IPO11: variants seen among roughly 807,000 people sequenced by gnomAD.
IPO11 encodes importin 11, also known as importin-11.
IPO11 carries 66 observed loss-of-function variants against 143.2 expected under a neutral mutation model. That is an observed-to-expected ratio of 0.46 (90% CI 0.38 to 0.57). The LOEUF is 0.57. Ranked by LOEUF, IPO11 falls within the 20% of genes least tolerant of loss-of-function variation. IPO11 has a pLI of 0.00. For synonymous variants in IPO11, 385 were observed against 377.8 expected, an observed-to-expected ratio of 1.02 and a Z score of -0.22; for missense variants, 1,026 against 1,141.0, an observed-to-expected ratio of 0.90 and a Z score of 1.45.
chr5:62,535,408 C>T (rs756682546), intron 22 of IPO11, among the ~76,000 whole-genome samples: 1 of 152,000 alleles, frequency 6.6e-6, no homozygotes, highest in Non-Finnish European at 1.5e-5. Context: ...AAAGTATGCA[C>T]GAGTCCAGGC....
chr5:62,592,408 A>G (rs1259071087), intron 28 of IPO11, among the ~76,000 whole-genome samples: 2 of 152,200 alleles, frequency 1.3e-5, no homozygotes, highest in Non-Finnish European at 2.9e-5. Flanking sequence ...CTTATTAAAC[A>G]TATTAACATA....
intron 1 of IPO11, among the ~76,000 whole-genome samples, chr5:62,416,978 T>A (rs1743315659): frequency 6.6e-6 from 1 of 152,072 alleles, no homozygotes; most frequent in East Asian, 1.9e-4. Flanking sequence ...AGCGATCCAC[T>A]GGCCTTGGCC....
At chr5:62,475,620 T>C (rs1745929920) in intron 8 of IPO11, among the ~76,000 whole-genome samples, 1 of 152,266 alleles carries the variant, frequency 6.6e-6, no homozygotes, top group Non-Finnish European at 1.5e-5. Flanking sequence ...ATATTGTCTA[T>C]AGACTATATG....
chr5:62,579,617 A>G, intron 27 of IPO11: 3 of 1,550,934 alleles, frequency 1.9e-6, no homozygotes, highest in Non-Finnish European at 2.6e-6. Flanking sequence ...AATTTTCCTG[A>G]AAGTACAGTT....
chr5:62,439,867 GTA>G (rs1015465521), intron 2 of IPO11, among the ~76,000 whole-genome samples: 9 of 152,126 alleles, frequency 5.9e-5, no homozygotes, highest in Non-Finnish European at 8.8e-5. Context: ...GGAGACTCCT[GTA>G]TTTGTATACA....
In IPO11 at chr5:62,484,303, C is replaced by T. The variant is rs372066407; in HGVS notation, c.1174+141C>T. The T allele has an allele frequency of 1.3e-4, 78 of 620,524 alleles. No individual in the cohort carries two copies. The East Asian group carries it at 2.0e-3, about 16-fold the overall frequency. The allele number at this position is 620,524 out of a possible 1,614,324, so 38.4% of individuals were successfully genotyped here. A position where few individuals can be genotyped will look rare whatever the true frequency, so the allele number is the denominator to read the frequency against. On this transcript the variant is annotated intron_variant, in intron 11 of 29. Transcript: ENST00000325324. Reference sequence around the variant, plus strand: ...GTGTTTTAAAATTAACTTACTCTTTCGTTGTTATCCATTAGAACAAATTGA... The same window carrying T: ...GTGTTTTAAAATTAACTTACTCTTTTGTTGTTATCCATTAGAACAAATTGA...
chr5:62,561,075 T>G (rs1743752804), intron 26 of IPO11, 61 bp from the exon 27 acceptor site: 1 of 1,451,506 alleles, frequency 6.9e-7, no homozygotes. Context: ...CCTTTAAAAG[T>G]ATTTACCCAC....
At chr5:62,435,102 ATATATATGTATATATG>A (rs1188887651) in intron 1 of IPO11, among the ~76,000 whole-genome samples, 3 of 67,174 alleles carry the variant, frequency 4.5e-5, no homozygotes, top group African/African-American at 1.1e-4. Context: ...GTATATATGT[ATATATATGTATATATG>A]TATATATGTA....
intron 1 of IPO11, among the ~76,000 whole-genome samples, chr5:62,417,472 C>T (rs1743339107): frequency 6.6e-6 from 1 of 151,880 alleles, no homozygotes; most frequent in East Asian, 1.9e-4. Flanking sequence ...ACTACTTGTT[C>T]GTTCTTGAAA....
chr5:62,485,248 G>C (rs753526909), intron 11 of IPO11, among the ~76,000 whole-genome samples, 171 bp from the exon 12 acceptor site: 21 of 152,172 alleles, frequency 1.4e-4, no homozygotes, highest in Non-Finnish European at 2.5e-4. Flanking sequence ...ATACACAACT[G>C]TGATCTGTAG....
chr5:62,538,421 C>T (rs540653107), intron 24 of IPO11, among the ~76,000 whole-genome samples: 1 of 152,288 alleles, frequency 6.6e-6, no homozygotes, highest in South Asian at 2.1e-4. Context: ...GTTATCTCTA[C>T]CTGGTCTCCT....
chr5:62,478,884 A>T (rs192328491), intron 9 of IPO11, among the ~76,000 whole-genome samples: 130 of 152,270 alleles, frequency 8.5e-4, no homozygotes, highest in African/African-American at 2.9e-3. Context: ...ATTGTTCTGT[A>T]TTGTATGACG....
intron 29 of IPO11, among the ~76,000 whole-genome samples, chr5:62,626,541 A>G (rs1205109442): frequency 1.3e-5 from 2 of 152,194 alleles, no homozygotes; most frequent in East Asian, 1.9e-4. Context: ...TACCACAGGG[A>G]TAGAAGAAGC....
intron 24 of IPO11, 96 bp from the exon 25 acceptor site, chr5:62,550,271 C>G (rs1743345287): frequency 1.2e-6 from 1 of 868,676 alleles, no homozygotes; most frequent in Non-Finnish European, 1.9e-6. Context: ...TAAATTTGGT[C>G]TGTGATACTT....
At chr5:62,599,147 A>G (rs1433652354) in intron 28 of IPO11, among the ~76,000 whole-genome samples, 1 of 152,212 alleles carries the variant, frequency 6.6e-6, no homozygotes, top group Non-Finnish European at 1.5e-5. Flanking sequence ...GTGGGGCCCA[A>G]CTGTGCTTTA....
Position 62,536,795 on chromosome 5 carries a change from CTTT to C in IPO11, c.2169+16_2169+18del. ...GAATTTTTACAGGTATGTTGGAGTACTTTTGCATTATATGAAATTATATAATTA... is the reference window on the plus strand; with the variant it reads ...GAATTTTTACAGGTATGTTGGAGTACTGCATTATATGAAATTATATAATTA... On this transcript the variant is annotated intron_variant, in intron 23 of 29. Coordinates refer to ENST00000325324, the MANE Select transcript of IPO11 (RefSeq NM_016338.5). 6.6e-7 allele frequency: 1 copy of C among 1,508,726 alleles called. No homozygotes were observed. Among genetic ancestry groups the C allele is most frequent in the East Asian group, 2.5e-5 (1 of 39,388 alleles). The allele number at this position is 1,508,726 out of a possible 1,614,324, so 93.5% of individuals were successfully genotyped here.
chr5:62,418,006 T>C (rs1286938299), intron 1 of IPO11, among the ~76,000 whole-genome samples: 1 of 152,188 alleles, frequency 6.6e-6, no homozygotes, highest in South Asian at 2.1e-4. Flanking sequence ...ATTTATTTAT[T>C]TCTGAGACAG....
intron 21 of IPO11, among the ~76,000 whole-genome samples, chr5:62,527,426 T>C (rs958134072): frequency 6.6e-6 from 1 of 152,226 alleles, no homozygotes; most frequent in Non-Finnish European, 1.5e-5. Flanking sequence ...ACATCATTTA[T>C]AGAAATAAGT....
chr5:62,571,243 A>G (rs1338717372), intron 27 of IPO11, among the ~76,000 whole-genome samples: 1 of 152,014 alleles, frequency 6.6e-6, no homozygotes. Flanking sequence ...CAGAGAGAAA[A>G]ATTTTCATTA....
Sources: allele counts gnomAD v4.1 joint callset (sites outside exome capture counted in the v4.1 genomes callset), GRCh38; gene constraint gnomAD v4.1.1; transcripts MANE v1.5; gene names NCBI Gene and HGNC (gene_info 2026-07-23, HGNC 2026-07-21).